Variants in CCDC30 observed in about 807,000 individuals in gnomAD.
CCDC30 encodes coiled-coil domain containing 30.
Under a neutral mutation model 100.2 loss-of-function variants are expected in CCDC30, and 70 were observed. The ratio of observed to expected loss-of-function variants is 0.70; its 90% CI spans 0.58 to 0.85. The LOEUF (loss-of-function observed/expected upper bound fraction) is 0.85, where lower values mean the gene tolerates loss of function less well. Ranked by LOEUF, CCDC30 falls within the 40% of genes least tolerant of loss-of-function variation. The pLI is 0.00. For synonymous variants in CCDC30, 233 were observed against 269.5 expected (o/e 0.86, Z 1.33); for missense variants, 652 against 771.2 (o/e 0.85, Z 1.83).
At chr1:42,638,628 C>G (rs1195333945) in intron 12 of CCDC30, among the ~76,000 whole-genome samples, 1 of 151,122 alleles carries the variant, frequency 6.6e-6, no homozygotes, top group African/African-American at 2.4e-5. Context: ...AATCCCAGCA[C>G]TTTGGGAGGC....
intron 11 of CCDC30, among the ~76,000 whole-genome samples, chr1:42,630,084 C>G (rs1181191962): frequency 6.7e-6 from 1 of 148,738 alleles, no homozygotes; most frequent in African/African-American, 2.5e-5. Flanking sequence ...AAGCGATTCT[C>G]CTGCCTCAGC....
intron 6 of CCDC30, chr1:42,558,176 T>C: frequency 7.8e-6 from 2 of 256,242 alleles, no homozygotes. Flanking sequence ...GAAGAACTAC[T>C]GTTCTGGTTT....
chr1:42,620,743 C>T (rs564677423), intron 11 of CCDC30, among the ~76,000 whole-genome samples: 44 of 152,286 alleles, frequency 2.9e-4, no homozygotes, highest in Admixed American at 2.2e-3. Flanking sequence ...AAAAGGCACA[C>T]AGCTCACAGA....
At chr1:42,545,380 A>T in intron 6 of CCDC30, 30 bp from the exon 9 acceptor site, 2 of 1,525,582 alleles carry the variant, frequency 1.3e-6, no homozygotes, top group Non-Finnish European at 1.8e-6. Context: ...TATGCAAAAT[A>T]GAATATTTGT....
chr1:42,463,060 T>G (rs1293001327), upstream of CCDC30, among the ~76,000 whole-genome samples: 2 of 152,238 alleles, frequency 1.3e-5, no homozygotes, highest in Non-Finnish European at 2.9e-5. Flanking sequence ...ATTCGCTAAG[T>G]CGCAAACGCT....
chr1:42,519,385 G>A (rs1644602123), intron 6 of CCDC30, among the ~76,000 whole-genome samples: 1 of 152,158 alleles, frequency 6.6e-6, no homozygotes, highest in Non-Finnish European at 1.5e-5. Flanking sequence ...ATGTTTGGTA[G>A]AATTCACTAA....
chr1:42,561,373 G>C, intron 6 of CCDC30, among the ~76,000 whole-genome samples: 1 of 152,174 alleles, frequency 6.6e-6, no homozygotes, highest in East Asian at 1.9e-4. Context: ...TATCTCAATA[G>C]ATGCAGAAAA....
At chr1:42,462,216 G>A (rs1047627709), upstream of CCDC30, among the ~76,000 whole-genome samples, 12 of 152,154 alleles carry the variant, frequency 7.9e-5, no homozygotes, top group Admixed American at 7.9e-4. Flanking sequence ...AAAATTCCAG[G>A]GGGGTGGGGG....
intron 11 of CCDC30, among the ~76,000 whole-genome samples, chr1:42,614,155 A>C: frequency 6.9e-6 from 1 of 145,602 alleles, no homozygotes; most frequent in Admixed American, 7.0e-5. Flanking sequence ...ATCTCGGCTC[A>C]CTGCAAGCTC....
At chr1:42,615,430 T>C (rs1646707999) in intron 11 of CCDC30, among the ~76,000 whole-genome samples, 1 of 152,084 alleles carries the variant, frequency 6.6e-6, no homozygotes, top group Non-Finnish European at 1.5e-5. Context: ...CCCGAGTAGC[T>C]GGGATTACAG....
intron 8 of CCDC30, 48 bp downstream of exon 12, chr1:42,577,277 T>C: frequency 1.7e-6 from 2 of 1,181,742 alleles, no homozygotes. Context: ...ATACCACTAC[T>C]GAAATCTTAT....
intron 6 of CCDC30, among the ~76,000 whole-genome samples, chr1:42,506,716 G>A (rs1055440263): frequency 1.3e-5 from 2 of 152,122 alleles, no homozygotes; most frequent in Admixed American, 6.5e-5. Context: ...CAGGCATCAG[G>A]AGAGACAATT....
intron 10 of CCDC30, among the ~76,000 whole-genome samples, chr1:42,598,615 A>G (rs1240214530): frequency 1.3e-5 from 2 of 152,198 alleles, no homozygotes; most frequent in African/African-American, 4.8e-5. Flanking sequence ...ATAGAAAACC[A>G]TAATAAATAT....
At chr1:42,593,028 T>A (rs1233928628) in intron 10 of CCDC30, 1 of 152,218 alleles carries the variant, frequency 6.6e-6, no homozygotes, top group African/African-American at 2.4e-5. Flanking sequence ...TTCCCCATAC[T>A]AAGCAATTCT....
At chr1:42,456,702 A>G in the CCDC30 span, 6 of 1,608,110 alleles carry the variant, frequency 3.7e-6, no homozygotes, top group Non-Finnish European at 5.1e-6. Context: ...GGCGGCACCA[A>G]GGTCCCACTG....
intron 1 of CCDC30, among the ~76,000 whole-genome samples, chr1:42,470,279 C>T (rs1643726214): frequency 8.9e-6 from 1 of 112,874 alleles, no homozygotes. Flanking sequence ...GCTTCACACC[C>T]ATTAGGATGG....
At chr1:42,605,596 A>C (rs1054969872) in intron 10 of CCDC30, among the ~76,000 whole-genome samples, 1 of 152,150 alleles carries the variant, frequency 6.6e-6, no homozygotes, top group Non-Finnish European at 1.5e-5. Flanking sequence ...CTCTCACCGC[A>C]GTCTCCCAAG....
chr1:42,560,260 A>G (rs1252958042), intron 6 of CCDC30, among the ~76,000 whole-genome samples: 1 of 152,186 alleles, frequency 6.6e-6, no homozygotes, highest in Non-Finnish European at 1.5e-5. Flanking sequence ...ACTAATCCAA[A>G]AGCTAGCAGA....
upstream of CCDC30, among the ~76,000 whole-genome samples, chr1:42,462,412 C>T (rs753932959): frequency 2.6e-5 from 4 of 151,862 alleles, no homozygotes; most frequent in Admixed American, 6.6e-5. Context: ...CCTTTTAGTT[C>T]AGAAAAAAAC....
Sources: gnomAD v4.1 joint callset for allele counts (sites outside exome capture counted in the v4.1 genomes callset) on GRCh38, gnomAD v4.1.1 for gene constraint, MANE v1.5 for transcripts, NCBI Gene and HGNC (gene_info 2026-07-23, HGNC 2026-07-21) for gene names.